LGSN: variants seen among roughly 807,000 people sequenced by gnomAD.
LGSN encodes the protein lengsin.
Under a neutral mutation model 19.5 loss-of-function variants are expected in LGSN, and 21 were observed. That is an observed-to-expected ratio of 1.07 (90% confidence interval 0.76 to 1.55). LGSN has a LOEUF of 1.55. LGSN is among the 40% of genes most tolerant of loss of function. The pLI, the probability that LGSN is intolerant of heterozygous loss-of-function variation, is 0.00. For synonymous variants in LGSN, 257 were observed against 215.6 expected (o/e 1.19, Z -1.68); for missense variants, 673 against 608.5 (o/e 1.11, Z -1.12).
the LGSN span, among the ~76,000 whole-genome samples, chr6:63,519,604 C>A: frequency 1.4e-3 from 212 of 152,236 alleles, no homozygotes; most frequent in Non-Finnish European, 2.4e-3. Context: ...AGCTTATTTC[C>A]TGTTTTGTGA....
Position 63,281,125 on chromosome 6 carries a change from A to C in LGSN, c.426T>G (p.Cys142Trp). 1 of 1,613,730 alleles carries C rather than the reference A, an allele frequency of 6.2e-7. No individual in the cohort carries two copies. Among genetic ancestry groups the C allele is most frequent in the Non-Finnish European group, 8.5e-7 (1 of 1,179,960 alleles). ...GCATTAGGACTATGTCGCTATTAAAACATGTGGCTCTTATGTTATTCATTT... is the reference window on the plus strand; with the variant it reads ...GCATTAGGACTATGTCGCTATTAAACCATGTGGCTCTTATGTTATTCATTT... ...DNEMNNIRAT[C>W]FNSDIVLMPE... Residue 142 changes from cysteine (C) to tryptophan (W), a missense_variant, in exon 4 of 4, where the codon TGT (cysteine) becomes TGG (tryptophan). Physicochemically the swap from Cys to Trp is radical, Grantham distance 215. Transcript: ENST00000370657.
chr6:63,389,830 A>G, the LGSN span, among the ~76,000 whole-genome samples: 1 of 152,190 alleles, frequency 6.6e-6, no homozygotes, highest in South Asian at 2.1e-4. Flanking sequence ...GTCATTTTAA[A>G]TTATTTTTTA....
the LGSN span, among the ~76,000 whole-genome samples, chr6:63,535,005 A>G: frequency 6.6e-6 from 1 of 152,094 alleles, no homozygotes; most frequent in South Asian, 2.1e-4. Context: ...GGTTGCAGTG[A>G]GCCAAGATCG....
chr6:63,324,706 A>T (rs1001399281), upstream of LGSN, among the ~76,000 whole-genome samples: 3 of 152,150 alleles, frequency 2.0e-5, no homozygotes, highest in South Asian at 2.1e-4. Context: ...ATAAAAAAAA[A>T]TTTTTTGGAA....
chr6:63,544,525 C>G, the LGSN span, among the ~76,000 whole-genome samples: 2 of 152,092 alleles, frequency 1.3e-5, no homozygotes, highest in African/African-American at 2.4e-5. Context: ...TAGAATTTAT[C>G]TAGTTGTCGA....
the LGSN span, among the ~76,000 whole-genome samples, chr6:63,415,494 C>T: frequency 3.3e-4 from 50 of 152,132 alleles, no homozygotes; most frequent in South Asian, 6.4e-3. Context: ...GGAGAAGTGC[C>T]GAGGGAAGGG....
chr6:63,559,437 AT>A, the LGSN span, among the ~76,000 whole-genome samples: 1 of 152,160 alleles, frequency 6.6e-6, no homozygotes, highest in South Asian at 2.1e-4. Flanking sequence ...AGCAAAAAAA[AT>A]CATTTGGTTT....
chr6:63,568,423 A>AT, the LGSN span, among the ~76,000 whole-genome samples: 1 of 152,250 alleles, frequency 6.6e-6, no homozygotes, highest in Admixed American at 6.5e-5. Flanking sequence ...CATTTATCAA[A>AT]TAAGTTTGCC....
the LGSN span, among the ~76,000 whole-genome samples, chr6:63,390,118 CTTTTTTTTTTT>C: frequency 1.3e-3 from 88 of 66,316 alleles, 1 homozygote; most frequent in Non-Finnish European, 1.8e-3. Context: ...TTCTTTCTTT[CTTTTTTTTTTT>C]TTTTTTTTTT....
In LGSN at chr6:63,279,894, A is replaced by T. The variant is rs1035644355; in HGVS notation, c.*127T>A. On this transcript the variant is annotated 3_prime_UTR_variant, in exon 4 of 4. Coordinates refer to ENST00000370657, the MANE Select transcript of LGSN (RefSeq NM_016571.3). The stretch of plus-strand genomic sequence containing the variant: ...GTCAAATATTCCATGGACAAAAAAA[A>T]AAGTCAAAAGCATTCGTAATCTTGT... The T allele has an allele frequency of 3.3e-6, 3 of 906,202 alleles. No homozygotes were observed. Among genetic ancestry groups the T allele is most frequent in the Non-Finnish European group, 5.1e-6 (3 of 591,070 alleles). 56.1% of individuals were successfully genotyped at this position (906,202 alleles called of 1,614,324 possible).
chr6:63,401,855 C>A, the LGSN span, among the ~76,000 whole-genome samples: 4 of 152,016 alleles, frequency 2.6e-5, no homozygotes, highest in Admixed American at 2.0e-4. Flanking sequence ...GATGGCATAC[C>A]CAAAGGTTTA....
chr6:63,315,642 GTGTGT>G, intron 1 of LGSN, among the ~76,000 whole-genome samples: 1 of 151,074 alleles, frequency 6.6e-6, no homozygotes, highest in East Asian at 2.0e-4. Flanking sequence ...GTGTGTGTGT[GTGTGT>G]GTGTGTGTAT....
the LGSN span, among the ~76,000 whole-genome samples, chr6:63,462,138 T>C: frequency 3.3e-5 from 5 of 152,304 alleles, no homozygotes; most frequent in Admixed American, 1.3e-4. Context: ...AAGCCTGAAC[T>C]CTCTTACTCT....
the LGSN span, among the ~76,000 whole-genome samples, chr6:63,482,168 A>G: frequency 5.3e-5 from 8 of 152,156 alleles, no homozygotes; most frequent in East Asian, 1.3e-3. Context: ...ATTTAAATGT[A>G]TATTTTCTCT....
the LGSN span, among the ~76,000 whole-genome samples, chr6:63,510,118 G>A: frequency 6.6e-6 from 1 of 152,164 alleles, no homozygotes; most frequent in Non-Finnish European, 1.5e-5. Context: ...AAACCCTTGA[G>A]TTTCCAGAAG....
the LGSN span, among the ~76,000 whole-genome samples, chr6:63,342,071 T>C: frequency 1.1e-4 from 16 of 152,180 alleles, no homozygotes; most frequent in Admixed American, 1.3e-4. Context: ...TCACAAGACA[T>C]GGTGTCCCAT....
chr6:63,297,201 G>T (rs1343283443), intron 1 of LGSN, among the ~76,000 whole-genome samples: 1 of 151,886 alleles, frequency 6.6e-6, no homozygotes, highest in African/African-American at 2.4e-5. Context: ...TTAGCCAGGC[G>T]TGGTTGCACG....
At chr6:63,513,675 C>T in the LGSN span, among the ~76,000 whole-genome samples, 1 of 151,960 alleles carries the variant, frequency 6.6e-6, no homozygotes, top group Non-Finnish European at 1.5e-5. Flanking sequence ...CTTTGAGAGG[C>T]CAAGGCAGGT....
At chr6:63,439,295 G>A in the LGSN span, among the ~76,000 whole-genome samples, 3 of 151,956 alleles carry the variant, frequency 2.0e-5, no homozygotes, top group Admixed American at 6.6e-5. Flanking sequence ...CATGGCACGT[G>A]TATACATATG....
Sources: allele counts gnomAD v4.1 joint callset (sites outside exome capture counted in the v4.1 genomes callset), GRCh38; gene constraint gnomAD v4.1.1; transcripts MANE v1.5; gene names NCBI Gene and HGNC (gene_info 2026-07-23, HGNC 2026-07-21).